Variants in CADM2 observed in about 807,000 individuals in gnomAD.
CADM2 encodes the protein cell adhesion molecule 2, also known as immunoglobulin superfamily member 4D.
CADM2 carries 12 observed loss-of-function variants against 49.8 expected under a neutral mutation model. The observed-to-expected ratio is 0.24, with a 90% confidence interval of 0.15 to 0.39. The LOEUF (loss-of-function observed/expected upper bound fraction) is 0.39. CADM2 is among the 10% of genes least tolerant of loss of function. The pLI is 1.00. For missense variants in CADM2, 378 were observed against 492.3 expected (o/e 0.77, Z 2.20); for synonymous variants, 214 against 175.4 (o/e 1.22, Z -1.74).
intron 1 of CADM2, among the ~76,000 whole-genome samples, chr3:85,587,072 G>A (rs1029595152): frequency 3.9e-5 from 6 of 152,032 alleles, no homozygotes; most frequent in African/African-American, 1.2e-4. Flanking sequence ...ATTTCTACCA[G>A]TCTTCCTGAG....
At chr3:85,846,229 G>T (rs995711359) in intron 3 of CADM2, among the ~76,000 whole-genome samples, 1 of 152,012 alleles carries the variant, frequency 6.6e-6, no homozygotes, top group Admixed American at 6.5e-5. Flanking sequence ...ATGACTATTT[G>T]GAATATTTTC....
At position 86,030,196 on chromosome 3, in the gene CADM2, T is replaced by G. The variant is rs534069692; in HGVS notation, c.971-35409T>G. On this transcript the variant is annotated intron_variant, in intron 8 of 9. Transcript: ENST00000383699. Reference sequence around the variant, plus strand: ...GATAAAAGCAAAATTAAGGTCATATTGTAATGAAATCTAGAGACATAGAAT... The same window carrying G: ...GATAAAAGCAAAATTAAGGTCATATGGTAATGAAATCTAGAGACATAGAAT... Among the ~76,000 whole-genome samples, 3 of 152,142 alleles carry G rather than the reference T, an allele frequency of 2.0e-5. No homozygotes were observed. The East Asian group carries it at 5.8e-4, about 29-fold the overall frequency.
intron 1 of CADM2, among the ~76,000 whole-genome samples, chr3:85,337,044 A>AATATATAT (rs540413952): frequency 7.4e-6 from 1 of 135,500 alleles, no homozygotes; most frequent in African/African-American, 2.7e-5. Flanking sequence ...TATATATATA[A>AATATATAT]ATATATATAT....
chr3:85,209,923 T>C (rs552208702), intron 1 of CADM2, among the ~76,000 whole-genome samples: 41 of 152,222 alleles, frequency 2.7e-4, no homozygotes, highest in African/African-American at 8.2e-4. Flanking sequence ...CAAATGAACA[T>C]GAAATATCAG....
intron 1 of CADM2, among the ~76,000 whole-genome samples, chr3:85,115,797 G>C (rs2038617494): frequency 6.6e-6 from 1 of 152,154 alleles, no homozygotes; most frequent in South Asian, 2.1e-4. Flanking sequence ...GACAATGCTA[G>C]TGACACATCA....
At chr3:85,770,841 C>T (rs963987035) in intron 2 of CADM2, among the ~76,000 whole-genome samples, 1 of 152,134 alleles carries the variant, frequency 6.6e-6, no homozygotes, top group Non-Finnish European at 1.5e-5. Context: ...TTACTTTCTA[C>T]TTCTCTAAAT....
rs568608646 is a variant in CADM2 at position 85,596,620 on chromosome 3, A to G, written c.62-129902A>G. 2.7e-3 allele frequency among the ~76,000 whole-genome samples: 406 copies of G among 152,228 alleles called. 1 individual carries two copies. In the Middle Eastern group the frequency reaches 0.037, roughly 14 times the overall value. On this transcript the variant is annotated intron_variant, in intron 1 of 9. Transcript: ENST00000383699. Reference sequence around the variant, plus strand: ...CACTTACCATGAGATCTACCCTCACAACAAAATTTTCAGTGCACAGTGCAG... The same window carrying G: ...CACTTACCATGAGATCTACCCTCACGACAAAATTTTCAGTGCACAGTGCAG...
At chr3:85,106,700 G>A (rs1012463094) in intron 1 of CADM2, among the ~76,000 whole-genome samples, 7 of 150,964 alleles carry the variant, frequency 4.6e-5, no homozygotes, top group East Asian at 1.9e-4. Context: ...ACGGGGAAAC[G>A]TAGCCTTGCC....
intron 1 of CADM2, among the ~76,000 whole-genome samples, chr3:85,245,211 A>G (rs2042618308): frequency 6.6e-6 from 1 of 152,184 alleles, no homozygotes; most frequent in Non-Finnish European, 1.5e-5. Flanking sequence ...TAAATCTGTA[A>G]CAGTTGGAGA....
At chr3:85,441,041 C>T (rs886205023) in intron 1 of CADM2, among the ~76,000 whole-genome samples, 8 of 151,860 alleles carry the variant, frequency 5.3e-5, no homozygotes, top group African/African-American at 1.7e-4. Flanking sequence ...CTTTATAATA[C>T]CAATATTTTA....
chr3:85,306,541 C>T (rs758725529), intron 1 of CADM2, among the ~76,000 whole-genome samples: 1 of 151,680 alleles, frequency 6.6e-6, no homozygotes, highest in Non-Finnish European at 1.5e-5. Flanking sequence ...GAATAGTTTT[C>T]ACCAAACTTT....
chr3:85,107,394 C>T (rs1490789120), intron 1 of CADM2, among the ~76,000 whole-genome samples: 1 of 152,022 alleles, frequency 6.6e-6, no homozygotes, highest in African/African-American at 2.4e-5. Flanking sequence ...CAATTCAAAG[C>T]CACAATGATA....
At chr3:85,262,831 A>T (rs1420589571) in intron 1 of CADM2, among the ~76,000 whole-genome samples, 3 of 152,146 alleles carry the variant, frequency 2.0e-5, no homozygotes, top group Non-Finnish European at 4.4e-5. Flanking sequence ...AGACACTTTC[A>T]CAATGTGAGG....
intron 1 of CADM2, among the ~76,000 whole-genome samples, chr3:85,653,549 A>G (rs1242481480): frequency 6.6e-6 from 1 of 151,910 alleles, no homozygotes. Flanking sequence ...TAGGAGAAGC[A>G]TATTTGTCAG....
intron 8 of CADM2, among the ~76,000 whole-genome samples, chr3:86,016,831 T>C (rs1732300680): frequency 6.6e-6 from 1 of 152,140 alleles, no homozygotes; most frequent in Non-Finnish European, 1.5e-5. Context: ...GTGTTCTTTT[T>C]TATAACAAAG....
intron 1 of CADM2, among the ~76,000 whole-genome samples, chr3:84,999,559 A>G (rs1447617211): frequency 6.6e-6 from 1 of 152,160 alleles, no homozygotes; most frequent in Admixed American, 6.6e-5. Flanking sequence ...GAGCACAAAA[A>G]ATGAGAAAAA....
intron 1 of CADM2, among the ~76,000 whole-genome samples, chr3:85,158,621 CAT>C (rs2040217221): frequency 6.6e-6 from 1 of 152,028 alleles, no homozygotes; most frequent in African/African-American, 2.4e-5. Flanking sequence ...TATTCTGACT[CAT>C]AGGTGGGAAT....
intron 1 of CADM2, among the ~76,000 whole-genome samples, chr3:85,359,666 A>ATATATATATATATATATTTTTTTTTT: frequency 3.0e-4 from 8 of 26,554 alleles, no homozygotes; most frequent in Non-Finnish European, 4.1e-4. Context: ...ATATATATAT[A>ATATATATATATATATATTTTTTTTTT]TTTTTTTTTT....
chr3:85,603,424 T>C (rs1463289457), intron 1 of CADM2, among the ~76,000 whole-genome samples: 1 of 151,974 alleles, frequency 6.6e-6, no homozygotes, highest in Non-Finnish European at 1.5e-5. Flanking sequence ...AACAAGTTGT[T>C]AGCCTACACA....
Sources: gnomAD v4.1 joint callset for allele counts (sites outside exome capture counted in the v4.1 genomes callset) on GRCh38, gnomAD v4.1.1 for gene constraint, MANE v1.5 for transcripts, NCBI Gene and HGNC (gene_info 2026-07-23, HGNC 2026-07-21) for gene names.